Variants in MYBL1 observed in about 807,000 individuals in gnomAD.
The protein encoded by MYBL1 is myb-related protein A.
A neutral mutation model predicts 96.3 loss-of-function variants in MYBL1; 17 were observed. The observed-to-expected ratio is 0.18, with a 90% CI of 0.12 to 0.26. MYBL1 has a LOEUF of 0.26. Among genes scored for constraint, MYBL1 ranks in the 10% least tolerant of loss-of-function variants. MYBL1 has a pLI of 1.00. For missense variants in MYBL1, 701 were observed against 882.9 expected (o/e 0.79, Z 2.61); for synonymous variants, 282 against 292.7 (o/e 0.96, Z 0.37).
chr8:66,570,920 C>T (rs149846179), intron 12 of MYBL1, among the ~76,000 whole-genome samples: 2 of 152,118 alleles, frequency 1.3e-5, no homozygotes, highest in African/African-American at 2.4e-5. Flanking sequence ...TTGTTCACAG[C>T]AGTACATGGA....
intron 9 of MYBL1, among the ~76,000 whole-genome samples, chr8:66,577,772 T>G (rs1325361204): frequency 6.6e-6 from 1 of 152,062 alleles, no homozygotes; most frequent in South Asian, 2.1e-4. Flanking sequence ...CATCACCAAG[T>G]CAATCCTAAG....
In MYBL1 at chr8:66,572,579, A is replaced by C; in HGVS notation, c.1631T>G (p.Ile544Ser). The change falls in exon 12 of 16, where the codon ATT becomes AGT. Residue 544 changes from isoleucine to serine, a missense_variant. Ile to Ser is a moderately radical substitution (Grantham distance 142, BLOSUM62 -2). Around this residue, in one of 5 missense-constraint regions of MYBL1, gnomAD observed 63 missense variants for 109.2 expected, o/e 0.58. Coordinates refer to ENST00000522677, the MANE Select transcript of MYBL1 (RefSeq NM_001080416.4). ...KENVGFRTPT[I>S]RRSILGTTPR... ...TGTGGTACCCAGTATAGATCTTCTA[A>C]TAGTAGGTGTTCTAAACCTATCCAG... 1 of 1,559,568 alleles carries C rather than the reference A, an allele frequency of 6.4e-7. No individual in the cohort carries two copies.
At chr8:66,581,946 G>A (rs1406363260) in intron 8 of MYBL1, among the ~76,000 whole-genome samples, 2 of 152,158 alleles carry the variant, frequency 1.3e-5, no homozygotes, top group African/African-American at 4.8e-5. Context: ...CTTACAAGAA[G>A]TGCTCAAAAA....
rs142042955 is a variant in MYBL1 at position 66,575,072 on chromosome 8, C to A, written c.1470+935G>T. Among the ~76,000 whole-genome samples the A allele has an allele frequency of 5.1e-3, 769 of 151,620 alleles. 4 individuals carry two copies. Among genetic ancestry groups the A allele is most frequent in the African/African-American group, 0.017 (724 of 41,398 alleles). On this transcript the variant is annotated intron_variant, in intron 10 of 15. Coordinates refer to ENST00000522677, the MANE Select transcript of MYBL1 (RefSeq NM_001080416.4). Reference sequence around the variant, plus strand: ...TCCATCTCAAAGAAAAAAAAAAAAGCGTTTGGCAAACAGCCTGGAGCATAG... The same window carrying A: ...TCCATCTCAAAGAAAAAAAAAAAAGAGTTTGGCAAACAGCCTGGAGCATAG...
Position 66,580,133 on chromosome 8 carries a change from A to T in MYBL1, c.1101T>A (p.Ser367=), listed in dbSNP as rs1257922411. The T allele has an allele frequency of 1.0e-5, 16 of 1,590,850 alleles. No individual in the cohort carries two copies. The highest frequency in any genetic ancestry group is 1.4e-5 in the Non-Finnish European group (16 of 1,161,834). Residue 367 remains serine, a splice_region_variant and synonymous_variant, in exon 9 of 16, where the codon TCT becomes TCA. Transcript: ENST00000522677. The stretch of plus-strand genomic sequence containing the variant: ...GATAATCTTACAATTTTTTACTTAC[A>T]GATTCAATAAGTTCTAGAGTCTCTG... ...EFAETLELIE[S]DPVAWSDVTS... is the part of the protein sequence containing the mutation.
At chr8:66,585,330 A>C (rs957503478) in intron 8 of MYBL1, among the ~76,000 whole-genome samples, 3 of 152,178 alleles carry the variant, frequency 2.0e-5, no homozygotes, top group Non-Finnish European at 2.9e-5. Flanking sequence ...AGAAAAATGA[A>C]ACTAGCTCCC....
At chr8:66,586,202 C>CAGGT (rs1809415850) in intron 8 of MYBL1, among the ~76,000 whole-genome samples, 1 of 151,822 alleles carries the variant, frequency 6.6e-6, no homozygotes, top group Non-Finnish European at 1.5e-5. Context: ...CTCACCACCA[C>CAGGT]GCCTGGCTAA....
In MYBL1 at chr8:66,582,700, C is replaced by T. The variant is rs575357351; in HGVS notation, c.868-2334G>A. On this transcript the variant is annotated intron_variant, in intron 8 of 15. Coordinates refer to ENST00000522677, the MANE Select transcript of MYBL1 (RefSeq NM_001080416.4). ...AGCACTGTATTTCAGCCTGGGGGGACGGAGTGAAACCCTGCCTCAAAAAAA... is the reference window on the plus strand; with the variant it reads ...AGCACTGTATTTCAGCCTGGGGGGATGGAGTGAAACCCTGCCTCAAAAAAA... Among the ~76,000 whole-genome samples the T allele has an allele frequency of 1.3e-4, 18 of 133,982 alleles. No individual in the cohort carries two copies. In the South Asian group the frequency reaches 3.2e-3, roughly 24 times the overall value. The allele number at this position is 133,982 out of a possible 152,430, so 87.9% of individuals were successfully genotyped here.
chr8:66,568,291 T>A (rs1197319649), intron 12 of MYBL1, among the ~76,000 whole-genome samples: 1 of 152,138 alleles, frequency 6.6e-6, no homozygotes, highest in Non-Finnish European at 1.5e-5. Context: ...TACTTATTTA[T>A]TTATTGAGAT....
chr8:66,612,507 G>A, intron 1 of MYBL1: 1 of 366,216 alleles, frequency 2.7e-6, no homozygotes, highest in Non-Finnish European at 4.9e-6. Context: ...AAAAGCGCTC[G>A]ACTTACCTGG....
At chr8:66,612,529 C>CCT (rs1169243438) in intron 1 of MYBL1, 4 of 385,270 alleles carry the variant, frequency 1.0e-5, no homozygotes, top group Non-Finnish European at 1.8e-5. Flanking sequence ...AAGAAACCTG[C>CCT]CTCGAAGAAG....
rs573187876 is a variant in MYBL1, at chr8:66,562,313, A to G, written c.*2384T>C. 6.5e-6 allele frequency: 1 copy of G among 152,794 alleles called. No individual in the cohort carries two copies. The highest frequency in any genetic ancestry group is 2.1e-4 in the South Asian group (1 of 4,830). The allele number at this position is 152,794 out of a possible 1,614,324, so 9.5% of individuals were successfully genotyped here. A position where few individuals can be genotyped will look rare whatever the true frequency, so the allele number is the denominator to read the frequency against. ...TGCTGTATTAATGTGAAAACCTTAC[A>G]ATAAAATGCAGTATTATGTATGTGT... is the stretch of plus-strand genomic sequence containing the variant. On this transcript the variant is annotated 3_prime_UTR_variant, in exon 16 of 16. Transcript: ENST00000522677.
At chr8:66,608,245 G>A (rs1406868227) in intron 1 of MYBL1, among the ~76,000 whole-genome samples, 3 of 152,002 alleles carry the variant, frequency 2.0e-5, no homozygotes, top group Non-Finnish European at 4.4e-5. Context: ...TCTACATGAG[G>A]TTTCATTCTC....
chr8:66,589,533 T>C (rs1425097803), intron 8 of MYBL1, among the ~76,000 whole-genome samples: 1 of 151,998 alleles, frequency 6.6e-6, no homozygotes, highest in Admixed American at 6.6e-5. Flanking sequence ...CAGGTTGGAG[T>C]GCAGGGGTGT....
At chr8:66,584,099 T>C (rs904398521) in intron 8 of MYBL1, among the ~76,000 whole-genome samples, 3 of 152,082 alleles carry the variant, frequency 2.0e-5, no homozygotes, top group Non-Finnish European at 4.4e-5. Context: ...TCAACATACA[T>C]AAATCAATAA....
At chr8:66,586,822 T>C (rs1046305253) in intron 8 of MYBL1, among the ~76,000 whole-genome samples, 1 of 152,166 alleles carries the variant, frequency 6.6e-6, no homozygotes, top group African/African-American at 2.4e-5. Context: ...CACACACACA[T>C]ACATAGACAC....
chr8:66,590,895 A>C (rs1455476392), intron 8 of MYBL1, among the ~76,000 whole-genome samples: 1 of 152,188 alleles, frequency 6.6e-6, no homozygotes, highest in East Asian at 1.9e-4. Context: ...AATAGTTTCA[A>C]ATAGTTAGAA....
intron 8 of MYBL1, among the ~76,000 whole-genome samples, chr8:66,586,793 C>T (rs1809437957): frequency 6.6e-6 from 1 of 152,142 alleles, no homozygotes; most frequent in Non-Finnish European, 1.5e-5. Context: ...AGAAAATGTG[C>T]TGTGTCTGTA....
chr8:66,610,911 G>A (rs567501399), intron 1 of MYBL1, among the ~76,000 whole-genome samples: 1 of 152,148 alleles, frequency 6.6e-6, no homozygotes, highest in Admixed American at 6.5e-5. Context: ...CCAGATTTAC[G>A]ACCCTTTAAA....
Sources: allele counts gnomAD v4.1 joint callset (sites outside exome capture counted in the v4.1 genomes callset), GRCh38; gene constraint gnomAD v4.1.1; regional missense constraint gnomAD v4.1.1; transcripts MANE v1.5; gene names NCBI Gene and HGNC (gene_info 2026-07-23, HGNC 2026-07-21).